The following WNK3 variants were observed in gnomAD, a reference collection of about 807,000 sequenced individuals.
The protein encoded by WNK3 is serine/threonine-protein kinase WNK3.
A neutral mutation model predicts 116.7 loss-of-function variants in WNK3; 18 were observed. The observed-to-expected ratio is 0.15, with a 90% CI of 0.11 to 0.23. The LOEUF is 0.23. Ranked by LOEUF, WNK3 falls within the 10% of genes least tolerant of loss-of-function variation. The probability of loss-of-function intolerance (pLI) is 1.00; values close to 1 mark genes in which losing one functional copy is unlikely to be tolerated. For synonymous variants in WNK3, 404 were observed against 469.4 expected (o/e 0.86, Z 1.80); for missense variants, 993 against 1,323.8 (o/e 0.75, Z 3.88).
At chrX:54,340,940 T>C (rs1300476494) in intron 1 of WNK3, among the ~76,000 whole-genome samples, 5 of 111,988 alleles carry the variant, frequency 4.5e-5, no homozygotes, top group African/African-American at 1.6e-4. Flanking sequence ...TAAACAGAGT[T>C]ACCATATGAT....
At position 54,294,523 on chromosome X, in the gene WNK3, G is replaced by C. The variant is rs201646757; in HGVS notation, c.1693+30C>G. ...GATTAGAGAATATAATTGCACATGC[G>C]TTTGCTTTTACAAGCTGTAACTGTG... On this transcript the variant is annotated intron_variant, in intron 8 of 23. Transcript: ENST00000354646. 8.3e-6 allele frequency: 9 copies of C among 1,085,399 alleles called. No homozygotes were observed. In the African/African-American group the frequency reaches 1.3e-4, roughly 16 times the overall value. 89.4% of individuals were successfully genotyped at this position (1,085,399 alleles called of 1,213,427 possible).
At chrX:54,238,456 C>T in exon 19 of WNK3, 1 of 1,207,759 alleles carries the variant, frequency 8.3e-7, no homozygotes, top group Non-Finnish European at 1.1e-6. Context: ...TTGCTGATCT[C>T]ATCTCTTCTG....
chrX:54,204,292 T>A (rs1268483833), intron 22 of WNK3, among the ~76,000 whole-genome samples: 2 of 110,184 alleles, frequency 1.8e-5, no homozygotes, highest in African/African-American at 3.3e-5. Context: ...CTAATTTTTG[T>A]ATTTTTGGTA....
chrX:54,210,482 C>T (rs782512819), intron 22 of WNK3, among the ~76,000 whole-genome samples: 1 of 110,921 alleles, frequency 9.0e-6, no homozygotes, highest in African/African-American at 3.3e-5. Context: ...AAAAGATTTG[C>T]CAGGCACAGT....
chrX:54,303,780 T>C (rs1373752235), intron 5 of WNK3, among the ~76,000 whole-genome samples: 2 of 111,250 alleles, frequency 1.8e-5, no homozygotes, highest in Non-Finnish European at 3.8e-5. Context: ...ATTTAAAAAA[T>C]TTTTAAAAAT....
chrX:54,251,417 T>C (rs782356624), exon 15 of WNK3: 1 of 1,182,545 alleles, frequency 8.5e-7, no homozygotes, highest in African/African-American at 1.8e-5. Flanking sequence ...TGAGTAGATG[T>C]AGAATTTATC....
At chrX:54,274,777 A>G (rs1178054260) in intron 10 of WNK3, among the ~76,000 whole-genome samples, 1 of 111,016 alleles carries the variant, frequency 9.0e-6, no homozygotes, top group Non-Finnish European at 1.9e-5. Flanking sequence ...AGGTTGATGC[A>G]GGAGGACTGC....
chrX:54,261,973 C>T (rs1603384523), intron 10 of WNK3, among the ~76,000 whole-genome samples: 1 of 111,799 alleles, frequency 8.9e-6, no homozygotes, highest in Middle Eastern at 4.7e-3. Context: ...AAAGGTCTAA[C>T]CAGTTTACAG....
chrX:54,291,908 C>T (rs1231260043), intron 10 of WNK3, among the ~76,000 whole-genome samples: 1 of 111,673 alleles, frequency 9.0e-6, no homozygotes, highest in Non-Finnish European at 1.9e-5. Flanking sequence ...TAGATCATCT[C>T]ACTCCCAGAG....
intron 3 of WNK3, 108 bp from the exon 4 acceptor site, chrX:54,309,423 A>G: frequency 1.8e-6 from 1 of 563,843 alleles, no homozygotes; most frequent in South Asian, 3.2e-5. Flanking sequence ...TATGATTCCC[A>G]TCACTGAGTT....
At chrX:54,273,315 G>A (rs1221270338) in intron 10 of WNK3, among the ~76,000 whole-genome samples, 2 of 111,922 alleles carry the variant, frequency 1.8e-5, no homozygotes, top group Non-Finnish European at 3.8e-5. Flanking sequence ...AGAATTGGCC[G>A]GGTACGGTGG....
chrX:54,358,301 G>C (rs1557179747), upstream of WNK3, among the ~76,000 whole-genome samples: 1 of 110,930 alleles, frequency 9.0e-6, no homozygotes, highest in Non-Finnish European at 1.9e-5. Context: ...GACATCTCCT[G>C]TGTGTTCCGA....
At chrX:54,256,775 T>C (rs1053801272) in intron 11 of WNK3, among the ~76,000 whole-genome samples, 1 of 112,593 alleles carries the variant, frequency 8.9e-6, no homozygotes, top group East Asian at 2.8e-4. Flanking sequence ...ATGACATAAA[T>C]ATAAGTAGTG....
intron 1 of WNK3, among the ~76,000 whole-genome samples, chrX:54,340,958 A>G (rs1418289680): frequency 8.9e-6 from 1 of 112,214 alleles, no homozygotes; most frequent in East Asian, 2.8e-4. Flanking sequence ...GATATCATCT[A>G]CCTAAGAGAA....
Position 54,333,246 on chromosome X carries a change from C to G in WNK3, c.428G>C (p.Ser143Thr). 1 of 1,210,508 alleles carries G rather than the reference C, an allele frequency of 8.3e-7. No individual in the cohort carries two copies. The highest frequency in any genetic ancestry group is 1.1e-6 in the Non-Finnish European group (1 of 894,219). ...TATGTCAAATTTCAGGAATCTGCCA[C>G]TAGGAGAAGTAGCTACAGCCTTCAT... is the stretch of plus-strand genomic sequence containing the variant. Residue 143 changes from serine to threonine, a missense_variant, in exon 2 of 24, where the codon AGT becomes ACT. Coordinates refer to ENST00000354646, the Ensembl canonical transcript of WNK3.
chrX:54,256,596 C>T (rs919415307), intron 11 of WNK3, among the ~76,000 whole-genome samples: 1 of 111,860 alleles, frequency 8.9e-6, no homozygotes, highest in South Asian at 3.7e-4. Flanking sequence ...TCAATAAACA[C>T]GTTTGGAATT....
At chrX:54,303,754 T>A (rs2068793073) in intron 5 of WNK3, among the ~76,000 whole-genome samples, 1 of 111,050 alleles carries the variant, frequency 9.0e-6, no homozygotes, top group African/African-American at 3.3e-5. Context: ...AAAAATAAAT[T>A]TTCTAAAATA....
At chrX:54,224,106 C>A (rs1557147139) in intron 22 of WNK3, 4 of 114,345 alleles carry the variant, frequency 3.5e-5, no homozygotes, top group African/African-American at 3.2e-5. Flanking sequence ...GTAATCCCAG[C>A]ACTTTGGGAG....
At chrX:54,207,794 G>A (rs963488817) in intron 22 of WNK3, among the ~76,000 whole-genome samples, 7 of 110,715 alleles carry the variant, frequency 6.3e-5, no homozygotes, top group East Asian at 2.8e-4. Context: ...GATTACAGGC[G>A]TGAGCCACTG....
Sources: allele counts gnomAD v4.1 joint callset (sites outside exome capture counted in the v4.1 genomes callset), GRCh38; gene constraint gnomAD v4.1.1; transcripts MANE v1.5; gene names NCBI Gene and HGNC (gene_info 2026-07-23, HGNC 2026-07-21).